The following KCTD8 variants were observed in gnomAD, a reference collection of about 807,000 sequenced individuals.
KCTD8 encodes potassium channel tetramerization domain containing 8.
A neutral mutation model predicts 31.5 loss-of-function variants in KCTD8; 27 were observed. The observed-to-expected ratio is 0.86, with a 90% CI of 0.63 to 1.18. KCTD8 has a LOEUF of 1.18. KCTD8 is among the 50% of genes most tolerant of loss of function. The pLI is 0.00. For missense variants in KCTD8, 658 were observed against 647.7 expected (o/e 1.02, Z -0.17); for synonymous variants, 290 against 280.0 (o/e 1.04, Z -0.36).
chr4:44,236,381 T>C (rs560593073), intron 1 of KCTD8, among the ~76,000 whole-genome samples: 1 of 152,268 alleles, frequency 6.6e-6, no homozygotes, highest in Non-Finnish European at 1.5e-5. Flanking sequence ...TGCATAGTGG[T>C]TGTGGCATGC....
At chr4:44,322,939 T>A (rs1391669855) in intron 1 of KCTD8, among the ~76,000 whole-genome samples, 1 of 152,064 alleles carries the variant, frequency 6.6e-6, no homozygotes, top group Non-Finnish European at 1.5e-5. Flanking sequence ...GTTCCATTGA[T>A]AAATGTGTCT....
Position 44,174,783 on chromosome 4 carries a change from A to G in KCTD8, c.*7T>C. The G allele has an allele frequency of 6.3e-7, 1 of 1,576,918 alleles. No individual in the cohort carries two copies. The highest frequency in any genetic ancestry group is 1.4e-5 in the African/African-American group (1 of 73,878). The stretch of plus-strand genomic sequence containing the variant: ...GTCATCAAAATACTGCAGGAATGTG[A>G]CAATTACTATAACCCATACTTCTGC... On this transcript the variant is annotated 3_prime_UTR_variant, in exon 2 of 2. Transcript: ENST00000360029.
chr4:44,407,675 C>T (rs13103090), intron 1 of KCTD8, among the ~76,000 whole-genome samples: 50,451 of 151,868 alleles, frequency 0.33, 9,057 homozygotes, highest in South Asian at 0.45. Flanking sequence ...TGTGAGCCAC[C>T]GCACCCAGCA....
intron 1 of KCTD8, among the ~76,000 whole-genome samples, chr4:44,278,586 G>A (rs185900675): frequency 9.2e-5 from 14 of 152,008 alleles, no homozygotes; most frequent in Admixed American, 5.3e-4. Flanking sequence ...TTGACTCTCC[G>A]GCCTTATTCT....
chr4:44,278,173 A>G (rs764660241), intron 1 of KCTD8, among the ~76,000 whole-genome samples: 6 of 152,032 alleles, frequency 3.9e-5, no homozygotes, highest in Non-Finnish European at 5.9e-5. Flanking sequence ...AAATTAGGCC[A>G]AATCCACTGA....
intron 1 of KCTD8, among the ~76,000 whole-genome samples, chr4:44,388,065 C>A (rs1045568620): frequency 2.7e-5 from 4 of 149,218 alleles, no homozygotes; most frequent in Non-Finnish European, 4.5e-5. Flanking sequence ...TGAACAGACA[C>A]TGCAAAAGAA....
intron 1 of KCTD8, among the ~76,000 whole-genome samples, chr4:44,325,746 T>C (rs1718427283): frequency 1.3e-5 from 2 of 151,962 alleles, no homozygotes; most frequent in Admixed American, 6.5e-5. Context: ...AGTCTTTCTG[T>C]ATTTCTATAC....
At chr4:44,179,867 A>T (rs898637268) in intron 1 of KCTD8, among the ~76,000 whole-genome samples, 7 of 152,164 alleles carry the variant, frequency 4.6e-5, no homozygotes, top group African/African-American at 1.7e-4. Context: ...TTATGACATG[A>T]AATTGAGAAA....
intron 1 of KCTD8, among the ~76,000 whole-genome samples, chr4:44,183,752 A>G (rs1211986146): frequency 6.7e-6 from 1 of 149,698 alleles, no homozygotes; most frequent in East Asian, 1.9e-4. Context: ...TGCACATTTG[A>G]AAAAAAAAAC....
At chr4:44,325,526 C>G (rs536148304) in intron 1 of KCTD8, among the ~76,000 whole-genome samples, 3 of 151,938 alleles carry the variant, frequency 2.0e-5, no homozygotes, top group Non-Finnish European at 4.4e-5. Context: ...AGGATACATG[C>G]TTGAGGGAAT....
chr4:44,420,492 A>G (rs1421295862), intron 1 of KCTD8, among the ~76,000 whole-genome samples: 1 of 152,222 alleles, frequency 6.6e-6, no homozygotes, highest in Non-Finnish European at 1.5e-5. Flanking sequence ...CAAAATAGAC[A>G]TAACTAACAG....
At chr4:44,273,879 T>G (rs1251011877) in intron 1 of KCTD8, among the ~76,000 whole-genome samples, 1 of 151,868 alleles carries the variant, frequency 6.6e-6, no homozygotes, top group African/African-American at 2.4e-5. Flanking sequence ...TTGTCATAGT[T>G]AGGTTTGTTA....
chr4:44,432,738 A>G (rs1450963321), intron 1 of KCTD8, among the ~76,000 whole-genome samples: 1 of 151,462 alleles, frequency 6.6e-6, no homozygotes, highest in Non-Finnish European at 1.5e-5. Context: ...ACACCAGACT[A>G]CCTCCAGTTC....
intron 1 of KCTD8, among the ~76,000 whole-genome samples, chr4:44,420,881 G>A (rs976373452): frequency 4.6e-5 from 7 of 151,910 alleles, no homozygotes; most frequent in East Asian, 1.9e-4. Flanking sequence ...AGACTCGAAC[G>A]AAGTTAAATT....
chr4:44,318,033 T>G (rs1718190198), intron 1 of KCTD8, among the ~76,000 whole-genome samples: 1 of 152,220 alleles, frequency 6.6e-6, no homozygotes. Context: ...ATTTGCTGAC[T>G]CTGAAGTTGA....
At chr4:44,249,424 T>C (rs1177602294) in intron 1 of KCTD8, among the ~76,000 whole-genome samples, 4 of 151,928 alleles carry the variant, frequency 2.6e-5, no homozygotes, top group African/African-American at 9.6e-5. Flanking sequence ...GTACATATTG[T>C]ACTCTATACC....
chr4:44,296,465 A>C (rs1717437920), intron 1 of KCTD8, among the ~76,000 whole-genome samples: 1 of 152,172 alleles, frequency 6.6e-6, no homozygotes, highest in Admixed American at 6.5e-5. Context: ...TTGGGGATCC[A>C]ACAATAATTT....
chr4:44,385,414 T>C (rs1720185204), intron 1 of KCTD8, among the ~76,000 whole-genome samples: 1 of 151,682 alleles, frequency 6.6e-6, no homozygotes, highest in Non-Finnish European at 1.5e-5. Flanking sequence ...TACGGTAAAA[T>C]GATTTTTGAC....
At chr4:44,204,262 A>T (rs1714237279) in intron 1 of KCTD8, among the ~76,000 whole-genome samples, 1 of 152,142 alleles carries the variant, frequency 6.6e-6, no homozygotes, top group African/African-American at 2.4e-5. Context: ...CACCCCTCAT[A>T]TTGTCTTATA....
Sources: allele counts gnomAD v4.1 joint callset (sites outside exome capture counted in the v4.1 genomes callset), GRCh38; gene constraint gnomAD v4.1.1; transcripts MANE v1.5; gene names NCBI Gene and HGNC (gene_info 2026-07-23, HGNC 2026-07-21).